The following ZNF804B variants were observed in gnomAD, a reference collection of about 807,000 sequenced individuals.
ZNF804B encodes the protein zinc finger protein 804B.
A neutral mutation model predicts 101.4 loss-of-function variants in ZNF804B; 80 were observed. The ratio of observed to expected loss-of-function variants is 0.79; its 90% CI spans 0.66 to 0.95. The LOEUF (loss-of-function observed/expected upper bound fraction) is 0.95. Ranked by LOEUF, ZNF804B falls within the 40% of genes least tolerant of loss-of-function variation. The pLI is 0.00. For missense variants in ZNF804B, 1,673 were observed against 1,561.9 expected (o/e 1.07, Z -1.20); for synonymous variants, 622 against 558.8 (o/e 1.11, Z -1.59).
intron 2 of ZNF804B, among the ~76,000 whole-genome samples, chr7:89,256,267 C>G (rs1402122585): frequency 6.6e-6 from 1 of 152,104 alleles, no homozygotes; most frequent in Non-Finnish European, 1.5e-5. Context: ...TTAAAAGGGT[C>G]TGGCTGCTGG....
At chr7:89,086,264 TA>T in intron 1 of ZNF804B, among the ~76,000 whole-genome samples, 1 of 152,138 alleles carries the variant, frequency 6.6e-6, no homozygotes, top group Middle Eastern at 3.4e-3. Context: ...AGTAAACTTG[TA>T]AAAATGGTTC....
chr7:89,239,722 G>A (rs1789337940), intron 2 of ZNF804B, among the ~76,000 whole-genome samples: 1 of 151,948 alleles, frequency 6.6e-6, no homozygotes, highest in African/African-American at 2.4e-5. Context: ...GATACATTGA[G>A]TGGGGAATAG....
chr7:89,129,686 T>C (rs1036868613), intron 1 of ZNF804B, among the ~76,000 whole-genome samples: 5 of 152,008 alleles, frequency 3.3e-5, no homozygotes, highest in Non-Finnish European at 1.5e-5. Flanking sequence ...TTACTATTAT[T>C]TCCATTCACA....
At position 89,335,430 on chromosome 7, in the gene ZNF804B, A is replaced by G. The variant is rs199698606; in HGVS notation, c.2448A>G (p.Gln816=). The G allele has an allele frequency of 2.5e-6, 4 of 1,613,844 alleles. No homozygotes were observed. Among genetic ancestry groups the G allele is most frequent in the Non-Finnish European group, 8.5e-7 (1 of 1,179,922 alleles). ...ERQKLGKNQQ[Q]FSGLKSTRII... is the part of the protein sequence containing the mutation. ...AAAAACTGGGCAAAAATCAACAACAATTTTCAGGGCTAAAATCTACGAGAA... is the reference window on the plus strand; with the variant it reads ...AAAAACTGGGCAAAAATCAACAACAGTTTTCAGGGCTAAAATCTACGAGAA... Residue 816 remains glutamine (Q), a synonymous_variant, in exon 4 of 4, where the codon CAA becomes CAG. Coordinates refer to ENST00000333190, the MANE Select transcript of ZNF804B (RefSeq NM_181646.5).
chr7:88,834,601 A>T (rs1286443463), intron 1 of ZNF804B, among the ~76,000 whole-genome samples: 1 of 151,558 alleles, frequency 6.6e-6, no homozygotes, highest in African/African-American at 2.4e-5. Context: ...GCGTGATGGT[A>T]TTATGGGTTT....
chr7:88,884,952 CTAA>C (rs1425234872), intron 1 of ZNF804B, among the ~76,000 whole-genome samples: 3 of 151,788 alleles, frequency 2.0e-5, no homozygotes, highest in Admixed American at 1.3e-4. Flanking sequence ...TAGAAGGCTA[CTAA>C]TAATAATTTT....
At chr7:88,947,539 A>T (rs1418296418) in intron 1 of ZNF804B, among the ~76,000 whole-genome samples, 1 of 151,562 alleles carries the variant, frequency 6.6e-6, no homozygotes, top group Non-Finnish European at 1.5e-5. Flanking sequence ...AGGGGAAGGG[A>T]GGGGTAGCAT....
At chr7:89,253,269 T>C (rs946778803) in intron 2 of ZNF804B, among the ~76,000 whole-genome samples, 1 of 152,002 alleles carries the variant, frequency 6.6e-6, no homozygotes, top group Non-Finnish European at 1.5e-5. Context: ...AAAACTAAAA[T>C]GTAAAAACTA....
chr7:89,241,567 C>T (rs1392792258), intron 2 of ZNF804B, among the ~76,000 whole-genome samples: 1 of 152,128 alleles, frequency 6.6e-6, no homozygotes, highest in African/African-American at 2.4e-5. Context: ...TACTCTAATA[C>T]TATTGTACCT....
rs552169231 is a variant in ZNF804B, at chr7:89,307,064, G to A, written c.250-20280G>A. On this transcript the variant is annotated intron_variant, in intron 2 of 3. Coordinates refer to ENST00000333190, the MANE Select transcript of ZNF804B (RefSeq NM_181646.5). ...GTGCTTGTTTCTTCATACACTCAAT[G>A]ATACTAGGTTGTATAAAAACATTAT... 9.9e-5 allele frequency among the ~76,000 whole-genome samples: 15 copies of A among 152,026 alleles called. No individual in the cohort carries two copies. In the South Asian group the frequency reaches 3.1e-3, roughly 32 times the overall value.
intron 1 of ZNF804B, among the ~76,000 whole-genome samples, chr7:88,841,344 T>G (rs1791289241): frequency 6.6e-6 from 1 of 152,158 alleles, no homozygotes; most frequent in Non-Finnish European, 1.5e-5. Context: ...TATCAGTTGG[T>G]CTGGAGACTG....
At chr7:88,794,535 A>G in intron 1 of ZNF804B, 1 of 1,613,682 alleles carries the variant, frequency 6.2e-7, no homozygotes, top group Non-Finnish European at 8.5e-7. Flanking sequence ...TTGGAATGTT[A>G]TGAGAAATGA....
chr7:88,800,692 TTGTGTGTGTGTGTGTGTGTGTGTGTG>T (rs6150209), intron 1 of ZNF804B, among the ~76,000 whole-genome samples: 7 of 146,600 alleles, frequency 4.8e-5, no homozygotes, highest in Non-Finnish European at 9.1e-5. Context: ...TAGATATGAT[TTGTGTGTGTGTGTGTGTGTGTGTGTG>T]TGTGTGTGTG....
chr7:89,296,169 A>G (rs1790379298), intron 2 of ZNF804B, among the ~76,000 whole-genome samples: 1 of 152,102 alleles, frequency 6.6e-6, no homozygotes, highest in South Asian at 2.1e-4. Flanking sequence ...ACATATGTAC[A>G]TACATAAATA....
At chr7:89,171,343 C>T (rs188330651) in intron 1 of ZNF804B, among the ~76,000 whole-genome samples, 7 of 132,476 alleles carry the variant, frequency 5.3e-5, no homozygotes, top group Admixed American at 1.5e-4. Flanking sequence ...TCTTCTTCTT[C>T]TTCTTCTTCT....
At chr7:89,325,484 C>T (rs1459254437) in intron 2 of ZNF804B, among the ~76,000 whole-genome samples, 1 of 151,918 alleles carries the variant, frequency 6.6e-6, no homozygotes, top group African/African-American at 2.4e-5. Flanking sequence ...TTTTACACTT[C>T]ATAGTAAGAA....
chr7:89,296,310 A>G (rs1364225525), intron 2 of ZNF804B, among the ~76,000 whole-genome samples: 1 of 152,090 alleles, frequency 6.6e-6, no homozygotes. Context: ...AGATTTATAG[A>G]TATGTAATTT....
intron 1 of ZNF804B, among the ~76,000 whole-genome samples, chr7:88,948,762 T>A (rs1793175836): frequency 6.6e-6 from 1 of 151,556 alleles, no homozygotes; most frequent in Non-Finnish European, 1.5e-5. Flanking sequence ...AGTGACATTA[T>A]CTTTACAAAA....
At chr7:89,332,328 G>A (rs1467471462) in intron 3 of ZNF804B, among the ~76,000 whole-genome samples, 1 of 151,762 alleles carries the variant, frequency 6.6e-6, no homozygotes. Flanking sequence ...TAGAACTTGA[G>A]CAACATATGG....
Sources: allele counts gnomAD v4.1 joint callset (sites outside exome capture counted in the v4.1 genomes callset), GRCh38; gene constraint gnomAD v4.1.1; transcripts MANE v1.5; gene names NCBI Gene and HGNC (gene_info 2026-07-23, HGNC 2026-07-21).